Variants in MGAT4C observed in about 807,000 individuals in gnomAD.
The protein encoded by MGAT4C is alpha-1,3-mannosyl-glycoprotein 4-beta-N-acetylglucosaminyltransferase C.
In MGAT4C, 19 loss-of-function variants were observed where a neutral mutation model predicts 40.1. The ratio of observed to expected loss-of-function variants is 0.47; its 90% CI spans 0.33 to 0.70. The LOEUF (loss-of-function observed/expected upper bound fraction) is 0.70. Ranked by LOEUF, MGAT4C falls within the 30% of genes least tolerant of loss-of-function variation. The pLI is 0.02. For synonymous variants in MGAT4C, 181 were observed against 187.1 expected, an observed-to-expected ratio of 0.97 and a Z score of 0.27; for missense variants, 491 against 563.2, an observed-to-expected ratio of 0.87 and a Z score of 1.30.
intron 2 of MGAT4C, among the ~76,000 whole-genome samples, chr12:86,502,677 G>A (rs932217121): frequency 2.8e-5 from 4 of 144,934 alleles, no homozygotes; most frequent in African/African-American, 1.0e-4. Context: ...ATATATACAC[G>A]AGTTCTGCTC....
chr12:86,000,066 T>G (rs1887129705), intron 2 of MGAT4C, among the ~76,000 whole-genome samples: 1 of 152,188 alleles, frequency 6.6e-6, no homozygotes, highest in Non-Finnish European at 1.5e-5. Flanking sequence ...TACCTTAATG[T>G]GATCATTGTA....
At chr12:86,608,754 T>G (rs2162670) in intron 2 of MGAT4C, among the ~76,000 whole-genome samples, 145,367 of 152,128 alleles carry the variant, frequency 0.96, 69,694 homozygotes, top group Non-Finnish European at 1. Flanking sequence ...ACTATAAATG[T>G]ATTTTGTACA....
At chr12:86,498,341 A>C (rs929277226) in intron 2 of MGAT4C, among the ~76,000 whole-genome samples, 3 of 151,750 alleles carry the variant, frequency 2.0e-5, no homozygotes, top group African/African-American at 7.2e-5. Flanking sequence ...TCCAATAAAC[A>C]CATTGGAAAA....
rs1422788214 is a variant in MGAT4C, at chr12:85,977,229, C to T, written c.*2060G>A. On this transcript the variant is annotated 3_prime_UTR_variant, in exon 5 of 5. Transcript: ENST00000611864. ...GAAGAATATGTAAGGGGTTACAACT[C>T]ATTTCAGGGAGTCTGCCTAGCTCTT... 2 of 151,340 alleles carry T rather than the reference C, an allele frequency of 1.3e-5. No homozygotes were observed. Among genetic ancestry groups the T allele is most frequent in the Non-Finnish European group, 3.0e-5 (2 of 67,454 alleles). 9.4% of individuals were successfully genotyped at this position (151,340 alleles called of 1,614,324 possible). A position where few individuals can be genotyped will look rare whatever the true frequency, so the allele number is the denominator to read the frequency against.
At position 86,269,274 on chromosome 12, in the gene MGAT4C, T is replaced by C. The variant is rs182552522; in HGVS notation, c.-57+64791A>G. Among the ~76,000 whole-genome samples the C allele has an allele frequency of 5.7e-3, 863 of 151,302 alleles. 4 individuals are homozygous for C. The highest frequency in any genetic ancestry group is 0.01 in the Middle Eastern group (3 of 294). ...CACTTAGAATATCTTTAGATAGGTCTTACCTCATCTACATATTTGTCTTTA... is the reference window on the plus strand; with the variant it reads ...CACTTAGAATATCTTTAGATAGGTCCTACCTCATCTACATATTTGTCTTTA... On this transcript the variant is annotated intron_variant, in intron 4 of 7. Transcript: ENST00000548651.
At position 86,364,321 on chromosome 12, in the gene MGAT4C, A is replaced by G. The variant is rs756195239; in HGVS notation, c.-119-30194T>C. 1.5e-3 allele frequency among the ~76,000 whole-genome samples: 230 copies of G among 152,306 alleles called. 3 individuals carry two copies. Among genetic ancestry groups the G allele is most frequent in the Non-Finnish European group, 2.3e-3 (159 of 68,026 alleles). On this transcript the variant is annotated intron_variant, in intron 3 of 7. Coordinates refer to the MGAT4C transcript ENST00000548651. ...TAGATACAAATATTTTCAACAAAAT[A>G]TAACATGTTGTTGCAATTGCTTCTG...
chr12:86,774,368 C>CTTT (rs1555227856), intron 1 of MGAT4C, among the ~76,000 whole-genome samples: 1 of 87,866 alleles, frequency 1.1e-5, no homozygotes, highest in Non-Finnish European at 2.2e-5. Context: ...CTCTCTCTCT[C>CTTT]TCTTTCTGTC....
At chr12:86,757,379 T>C (rs1357838763) in intron 1 of MGAT4C, among the ~76,000 whole-genome samples, 1 of 152,080 alleles carries the variant, frequency 6.6e-6, no homozygotes, top group Non-Finnish European at 1.5e-5. Context: ...AAAAATTCTA[T>C]ATAAATTACT....
chr12:86,325,133 T>A (rs956025126), intron 4 of MGAT4C, among the ~76,000 whole-genome samples: 4 of 152,158 alleles, frequency 2.6e-5, no homozygotes, highest in Non-Finnish European at 5.9e-5. Flanking sequence ...ATTCTATATA[T>A]GTTATTTGCA....
chr12:86,725,516 T>C (rs1950807497), intron 2 of MGAT4C, among the ~76,000 whole-genome samples: 1 of 152,052 alleles, frequency 6.6e-6, no homozygotes, highest in African/African-American at 2.4e-5. Flanking sequence ...GCAGGGAGTA[T>C]AGTGGGCGAT....
At chr12:86,244,508 A>G (rs1171639108) in intron 1 of MGAT4C, among the ~76,000 whole-genome samples, 1 of 152,240 alleles carries the variant, frequency 6.6e-6, no homozygotes, top group Non-Finnish European at 1.5e-5. Context: ...AAAGGGATCT[A>G]AGTCTGGGGT....
chr12:86,685,540 T>C (rs1950058821), intron 2 of MGAT4C, among the ~76,000 whole-genome samples: 1 of 152,212 alleles, frequency 6.6e-6, no homozygotes, highest in African/African-American at 2.4e-5. Context: ...ATATGAAATT[T>C]AAGGTAGTTG....
intron 1 of MGAT4C, among the ~76,000 whole-genome samples, chr12:86,747,663 A>T (rs960163025): frequency 6.6e-6 from 1 of 151,648 alleles, no homozygotes; most frequent in Non-Finnish European, 1.5e-5. Flanking sequence ...AATTGATAAC[A>T]GTTATAGAGC....
At chr12:86,527,657 C>A (rs986559595) in intron 2 of MGAT4C, among the ~76,000 whole-genome samples, 2 of 152,024 alleles carry the variant, frequency 1.3e-5, no homozygotes, top group Non-Finnish European at 2.9e-5. Context: ...TTGGTGTGTC[C>A]TCTTTTATTT....
chr12:86,778,584 C>A (rs4842825), intron 1 of MGAT4C, among the ~76,000 whole-genome samples: 116,270 of 152,096 alleles, frequency 0.76, 45,179 homozygotes, highest in South Asian at 0.85. Flanking sequence ...GCAAATGACA[C>A]ATAAGGAAAA....
chr12:86,466,899 A>G (rs1047510050), intron 2 of MGAT4C, among the ~76,000 whole-genome samples: 1 of 152,172 alleles, frequency 6.6e-6, no homozygotes, highest in African/African-American at 2.4e-5. Flanking sequence ...AAAATCACAT[A>G]ATTTCTATAA....
chr12:86,047,850 AG>A (rs915685516), intron 2 of MGAT4C, among the ~76,000 whole-genome samples: 8 of 152,144 alleles, frequency 5.3e-5, no homozygotes, highest in African/African-American at 1.9e-4. Flanking sequence ...AGTGATTGGC[AG>A]GAGCAAAAAA....
In MGAT4C at chr12:86,704,206, G is replaced by C. The variant is rs1378526415; in HGVS notation, c.-229+23003C>G. On this transcript the variant is annotated intron_variant, in intron 2 of 7. Coordinates refer to the MGAT4C transcript ENST00000548651. ...TTATTATCCCATGAATAAATTATCT[G>C]TATTCTTGGGTATCAAGTTTTACCA... Among the ~76,000 whole-genome samples the C allele has an allele frequency of 2.6e-5, 4 of 152,168 alleles. No homozygotes were observed. In the East Asian group the frequency reaches 7.7e-4, roughly 29 times the overall value.
chr12:86,698,544 T>C (rs1263814522), intron 2 of MGAT4C, among the ~76,000 whole-genome samples: 4 of 152,152 alleles, frequency 2.6e-5, no homozygotes, highest in Non-Finnish European at 4.4e-5. Context: ...AATATCTATA[T>C]GAAATTACAA....
Sources: gnomAD v4.1 joint callset for allele counts (sites outside exome capture counted in the v4.1 genomes callset) on GRCh38, gnomAD v4.1.1 for gene constraint, MANE v1.5 for transcripts, NCBI Gene and HGNC (gene_info 2026-07-23, HGNC 2026-07-21) for gene names.